The following MVK variants were observed in gnomAD, a reference collection of about 807,000 sequenced individuals.
MVK encodes LH receptor mRNA-binding protein.
MVK carries 34 observed loss-of-function variants against 43.2 expected under a neutral mutation model. That is an observed-to-expected ratio of 0.79 (90% CI 0.60 to 1.05). The LOEUF is 1.05. Ranked by LOEUF, MVK falls within the 50% of genes least tolerant of loss-of-function variation. MVK has a pLI of 0.00. For synonymous variants in MVK, 190 were observed against 219.8 expected (o/e 0.86, Z 1.20); for missense variants, 395 against 504.0 (o/e 0.78, Z 2.07).
At chr12:109,573,284 C>A, upstream of MVK, 1 of 1,605,426 alleles carries the variant, frequency 6.2e-7, no homozygotes. Flanking sequence ...TGTGACGTAC[C>A]CATGGCGACG....
chr12:109,579,111 C>T, intron 3 of MVK: 1 of 375,640 alleles, frequency 2.7e-6, no homozygotes, highest in South Asian at 2.1e-5. Flanking sequence ...GTCTGTGTGT[C>T]TGTGTGTGTT....
chr12:109,574,207 T>C (rs961676652), intron 1 of MVK, among the ~76,000 whole-genome samples: 3 of 152,192 alleles, frequency 2.0e-5, no homozygotes, highest in Non-Finnish European at 4.4e-5. Context: ...CTATAGACCC[T>C]GCAAGCTCCT....
At chr12:109,582,079 G>A (rs543521694) in intron 5 of MVK, among the ~76,000 whole-genome samples, 23 of 152,226 alleles carry the variant, frequency 1.5e-4, no homozygotes, top group Non-Finnish European at 2.6e-4. Context: ...CACGGAGGGC[G>A]TGTCACCTCT....
At position 109,597,563 on chromosome 12, in the gene MVK, A is replaced by G. The variant is rs995358693; in HGVS notation, c.*986A>G. 4 of 152,244 alleles carry G rather than the reference A, an allele frequency of 2.6e-5. No homozygotes were observed. Among genetic ancestry groups the G allele is most frequent in the African/African-American group, 9.6e-5 (4 of 41,462 alleles). 9.4% of individuals were successfully genotyped at this position (152,244 alleles called of 1,614,324 possible). A position where few individuals can be genotyped will look rare whatever the true frequency, so the allele number is the denominator to read the frequency against. ...GTAAGACAGGAAAGCAGAACCTGCCATCGCTCCTGGGGCGCGCCTTCCTTT... is the reference window on the plus strand; with the variant it reads ...GTAAGACAGGAAAGCAGAACCTGCCGTCGCTCCTGGGGCGCGCCTTCCTTT... On this transcript the variant is annotated 3_prime_UTR_variant, in exon 11 of 11. Coordinates refer to ENST00000228510, the MANE Select transcript of MVK (RefSeq NM_000431.4).
chr12:109,580,994 C>T (rs1287543220), intron 4 of MVK, among the ~76,000 whole-genome samples: 1 of 151,854 alleles, frequency 6.6e-6, no homozygotes, highest in African/African-American at 2.4e-5. Flanking sequence ...TTTGATAAGG[C>T]CTTGAGAGAT....
Position 109,595,840 on chromosome 12 carries a change from C to G in MVK, c.1040-586C>G, listed in dbSNP as rs1885894025. 2.6e-5 allele frequency among the ~76,000 whole-genome samples: 4 copies of G among 152,108 alleles called. No homozygotes were observed. Among genetic ancestry groups the G allele is most frequent in the African/African-American group, 7.2e-5 (3 of 41,400 alleles). Reference sequence around the variant, plus strand: ...TATCTCCTCCTCTCTGTTCTTCATCCTTCCTTTCCCCTCTGCTTTGCACTG... The same window carrying G: ...TATCTCCTCCTCTCTGTTCTTCATCGTTCCTTTCCCCTCTGCTTTGCACTG... On this transcript the variant is annotated intron_variant, in intron 10 of 10. Coordinates refer to ENST00000228510, the MANE Select transcript of MVK (RefSeq NM_000431.4). The surrounding 1 kb of genome is among the most constrained non-coding windows in gnomAD (Gnocchi z 5.9).
chr12:109,586,835 C>T (rs1480467381), intron 7 of MVK, 36 bp downstream of exon 7: 1 of 1,612,880 alleles, frequency 6.2e-7, no homozygotes, highest in Non-Finnish European at 8.5e-7. Context: ...TCAGCCATGG[C>T]TGCATTGATG....
chr12:109,596,785 G>A lies in MVK; in HGVS notation c.*208G>A, dbSNP rs1407184838. The A allele has an allele frequency of 1.4e-6, 1 of 730,922 alleles. No homozygotes were observed. The highest frequency in any genetic ancestry group is 2.2e-6 in the Non-Finnish European group (1 of 446,204). 45.3% of individuals were successfully genotyped at this position (730,922 alleles called of 1,614,324 possible). ...CTGCCCTCTGCATCCTCTGGAGCCAGCCGAGCAGGAGGCCTAGGAGGGTCC... is the reference window on the plus strand; with the variant it reads ...CTGCCCTCTGCATCCTCTGGAGCCAACCGAGCAGGAGGCCTAGGAGGGTCC... On this transcript the variant is annotated 3_prime_UTR_variant, in exon 11 of 11. Transcript: ENST00000228510.
At chr12:109,581,200 T>TA (rs2136226681) in intron 4 of MVK, among the ~76,000 whole-genome samples, 195 bp from the exon 5 acceptor site, 1 of 152,304 alleles carries the variant, frequency 6.6e-6, no homozygotes, top group African/African-American at 2.4e-5. Context: ...ATGAACTTGA[T>TA]ACCTGTTTTC....
intron 1 of MVK, among the ~76,000 whole-genome samples, chr12:109,574,208 G>T (rs543535312): frequency 6.6e-6 from 1 of 152,290 alleles, no homozygotes; most frequent in Admixed American, 6.5e-5. Context: ...TATAGACCCT[G>T]CAAGCTCCTT....
intron 9 of MVK, among the ~76,000 whole-genome samples, chr12:109,594,512 T>G (rs1885827399): frequency 6.6e-6 from 1 of 152,214 alleles, no homozygotes; most frequent in African/African-American, 2.4e-5. Flanking sequence ...AGAAAGGGAA[T>G]GTATTGGCTC....
At chr12:109,574,212 G>A (rs1884812524) in intron 1 of MVK, among the ~76,000 whole-genome samples, 1 of 152,184 alleles carries the variant, frequency 6.6e-6, no homozygotes, top group African/African-American at 2.4e-5. Context: ...GACCCTGCAA[G>A]CTCCTTTCTA....
At chr12:109,579,430 GCACC>G in intron 3 of MVK, 1 of 360,566 alleles carries the variant, frequency 2.8e-6, no homozygotes, top group Non-Finnish European at 5.4e-6. Flanking sequence ...ATAAGCGCCT[GCACC>G]CAACCTTAAA....
intron 3 of MVK, among the ~76,000 whole-genome samples, chr12:109,576,635 C>T (rs1350854860): frequency 6.6e-6 from 1 of 152,056 alleles, no homozygotes; most frequent in Non-Finnish European, 1.5e-5. Context: ...CTTTGGGAGG[C>T]CAAGGCGGGC....
chr12:109,585,642 A>G (rs2136235958), intron 5 of MVK, among the ~76,000 whole-genome samples: 1 of 152,134 alleles, frequency 6.6e-6, no homozygotes, highest in South Asian at 2.1e-4. Context: ...GCTGGTGTGC[A>G]CCTGTTGTCC....
intron 5 of MVK, among the ~76,000 whole-genome samples, chr12:109,581,872 G>A (rs1025480380): frequency 2.0e-5 from 3 of 152,208 alleles, no homozygotes; most frequent in Non-Finnish European, 4.4e-5. Context: ...GAGGGCAGCA[G>A]GTTAGATGAA....
intron 3 of MVK, chr12:109,579,137 A>ATTTTT: frequency 2.0e-4 from 65 of 324,098 alleles, no homozygotes; most frequent in Middle Eastern, 1.1e-3. Context: ...TAAGACTACA[A>ATTTTT]TTTTTTTTTT....
chr12:109,583,122 A>T, intron 5 of MVK, among the ~76,000 whole-genome samples: 1 of 149,792 alleles, frequency 6.7e-6, no homozygotes. Context: ...TTATACTTTA[A>T]GTTTTAGGGT....
chr12:109,584,085 C>T (rs752900775), intron 5 of MVK, among the ~76,000 whole-genome samples: 1 of 152,170 alleles, frequency 6.6e-6, no homozygotes, highest in African/African-American at 2.4e-5. Flanking sequence ...CCATCCAAGC[C>T]TCAGTTTCCG....
Sources: allele counts gnomAD v4.1 joint callset (sites outside exome capture counted in the v4.1 genomes callset), GRCh38; gene constraint gnomAD v4.1.1; non-coding constraint Gnocchi (gnomAD v3.1); transcripts MANE v1.5; gene names NCBI Gene and HGNC (gene_info 2026-07-23, HGNC 2026-07-21).